The following CDKN2B-AS1 variants were observed in gnomAD, a reference collection of about 807,000 sequenced individuals.
CDKN2B-AS1 encodes the protein CDKN2B antisense RNA 1 (non-protein coding).
intron 1 of CDKN2B-AS1, among the ~76,000 whole-genome samples, chr9:22,045,121 A>C (rs1167437712): frequency 6.6e-6 from 1 of 151,006 alleles, no homozygotes; most frequent in African/African-American, 2.4e-5. Flanking sequence ...ATTTGATTTT[A>C]TAAACAGAAG....
In CDKN2B-AS1 at chr9:22,006,478, C is replaced by G. The variant is rs910006813; in HGVS notation, n.29+11317C>G. ...TACAAATTAAATGCCATTTTATTCT[C>G]TAAACGTGCAGAGACAAGAAAGTTG... is the stretch of plus-strand genomic sequence containing the variant. On this transcript the variant is annotated intron_variant and non_coding_transcript_variant, in intron 1 of 4. Coordinates refer to ENST00000650946, the Ensembl canonical transcript of CDKN2B-AS1. The surrounding 1 kb of genome is among the most constrained non-coding windows in gnomAD (Gnocchi z 6.4). Among the ~76,000 whole-genome samples the G allele has an allele frequency of 1.3e-5, 2 of 152,190 alleles. No homozygotes were observed. Among genetic ancestry groups the G allele is most frequent in the Non-Finnish European group, 2.9e-5 (2 of 68,032 alleles).
intron 4 of CDKN2B-AS1, among the ~76,000 whole-genome samples, chr9:22,060,033 G>T (rs924247411): frequency 6.6e-6 from 1 of 152,162 alleles, no homozygotes; most frequent in Admixed American, 6.5e-5. Flanking sequence ...CTCTGGGCCT[G>T]TGATGGGAGG....
intron 4 of CDKN2B-AS1, among the ~76,000 whole-genome samples, chr9:22,123,170 A>G (rs975462972): frequency 1.3e-5 from 2 of 152,164 alleles, no homozygotes; most frequent in South Asian, 2.1e-4. Flanking sequence ...TTGTTCATGT[A>G]TAGAAATACT....
intron 4 of CDKN2B-AS1, among the ~76,000 whole-genome samples, chr9:22,105,492 C>T (rs1825627376): frequency 6.6e-6 from 1 of 152,130 alleles, no homozygotes; most frequent in South Asian, 2.1e-4. Context: ...TCTATTTTTG[C>T]ATGATATTTT....
chr9:22,094,912 T>C lies in CDKN2B-AS1; in HGVS notation n.439-32191T>C, dbSNP rs565144419. Among the ~76,000 whole-genome samples the C allele has an allele frequency of 7.6e-5, 11 of 144,554 alleles. 2 individuals are homozygous for C. The highest frequency in any genetic ancestry group is 3.2e-4 in the African/African-American group (11 of 34,714). The allele number at this position is 144,554 out of a possible 152,430, so 94.8% of individuals were successfully genotyped here. A position where few individuals can be genotyped will look rare whatever the true frequency, so the allele number is the denominator to read the frequency against. ...CTCTGATTTTTAGAGTTTCCAGTTT[T>C]TCTGCTCTGTTTTTTCCCATCTTTG... On this transcript the variant is annotated intron_variant and non_coding_transcript_variant, in intron 4 of 4. Transcript: ENST00000650946.
At chr9:22,073,055 G>C (rs956200709) in intron 4 of CDKN2B-AS1, among the ~76,000 whole-genome samples, 1 of 152,040 alleles carries the variant, frequency 6.6e-6, no homozygotes, top group Non-Finnish European at 1.5e-5. Context: ...AGTGAAAATT[G>C]TTTTATATCC....
intron 4 of CDKN2B-AS1, among the ~76,000 whole-genome samples, chr9:22,078,692 C>G (rs745708089): frequency 1.3e-5 from 2 of 152,186 alleles, no homozygotes; most frequent in Non-Finnish European, 2.9e-5. Context: ...ATGTTTTGAG[C>G]AACAAATTCT....
In CDKN2B-AS1 at chr9:22,000,779, G is replaced by A. The variant is rs1050361809; in HGVS notation, n.29+5618G>A. Among the ~76,000 whole-genome samples the A allele has an allele frequency of 6.6e-6, 1 of 151,994 alleles. No individual in the cohort carries two copies. The highest frequency in any genetic ancestry group is 2.4e-5 in the African/African-American group (1 of 41,374). On this transcript the variant is annotated intron_variant and non_coding_transcript_variant, in intron 1 of 4. Coordinates refer to ENST00000650946, the Ensembl canonical transcript of CDKN2B-AS1. The surrounding 1 kb of genome is among the most constrained non-coding windows in gnomAD (Gnocchi z 4.1). ...ATAATAACAAACAATAACAGTACTT[G>A]CAGCTTAATTAAAGAAAAAATGCAA...
At chr9:22,043,677 A>G (rs1021920298) in intron 1 of CDKN2B-AS1, among the ~76,000 whole-genome samples, 26 of 152,018 alleles carry the variant, frequency 1.7e-4, no homozygotes, top group Non-Finnish European at 2.9e-4. Context: ...TATGCTATTC[A>G]CATACCACCT....
At chr9:22,089,019 T>A (rs1029831228) in intron 4 of CDKN2B-AS1, among the ~76,000 whole-genome samples, 1 of 152,188 alleles carries the variant, frequency 6.6e-6, no homozygotes, top group Admixed American at 6.5e-5. Context: ...GGCATTTGTT[T>A]TTTACATTGT....
At chr9:22,069,072 C>T (rs1263253060) in intron 4 of CDKN2B-AS1, among the ~76,000 whole-genome samples, 1 of 152,170 alleles carries the variant, frequency 6.6e-6, no homozygotes, top group Non-Finnish European at 1.5e-5. Flanking sequence ...CTTTCTTTCC[C>T]TTTTCTAGGC....
intron 2 of CDKN2B-AS1, among the ~76,000 whole-genome samples, chr9:22,048,046 C>T (rs539598897): frequency 2.6e-5 from 4 of 152,098 alleles, no homozygotes; most frequent in African/African-American, 7.2e-5. Context: ...CCACCTGCCT[C>T]AGCCTCTCAA....
intron 4 of CDKN2B-AS1, among the ~76,000 whole-genome samples, chr9:22,114,449 A>C (rs1825890027): frequency 6.6e-6 from 1 of 152,230 alleles, no homozygotes; most frequent in Non-Finnish European, 1.5e-5. Context: ...AGAGGTACAT[A>C]GAGGAGCCTG....
rs1404823000 is a variant in CDKN2B-AS1, at chr9:22,102,723, A to C, written n.439-24380A>C. 2.0e-5 allele frequency among the ~76,000 whole-genome samples: 3 copies of C among 152,198 alleles called. No individual in the cohort carries two copies. The East Asian group carries it at 5.8e-4, about 29-fold the overall frequency. On this transcript the variant is annotated intron_variant and non_coding_transcript_variant, in intron 4 of 4. Coordinates refer to ENST00000650946, the Ensembl canonical transcript of CDKN2B-AS1. Reference sequence around the variant, plus strand: ...TTTTGCAAATATGAACATTCTAATTACCTTAGAGTTAAGATTTTCTTTTCT... The same window carrying C: ...TTTTGCAAATATGAACATTCTAATTCCCTTAGAGTTAAGATTTTCTTTTCT...
chr9:22,004,058 C>T (rs1049616485), intron 1 of CDKN2B-AS1: 4 of 232,456 alleles, frequency 1.7e-5, no homozygotes, highest in Non-Finnish European at 3.4e-5. Flanking sequence ...TTCTTTGCCT[C>T]ATTGTCCTCA....
chr9:22,034,041 A>G (rs191887041), intron 1 of CDKN2B-AS1, among the ~76,000 whole-genome samples: 12 of 152,346 alleles, frequency 7.9e-5, no homozygotes, highest in Non-Finnish European at 1.5e-4. Flanking sequence ...TGTAACTTCG[A>G]TAAAAGACAT....
intron 4 of CDKN2B-AS1, among the ~76,000 whole-genome samples, chr9:22,123,598 A>AACAAT: frequency 3.3e-5 from 5 of 151,518 alleles, no homozygotes; most frequent in Non-Finnish European, 3.0e-5. Flanking sequence ...TGCTATTAGG[A>AACAAT]TGGCCAATGA....
rs777650997 is a variant in CDKN2B-AS1 at position 22,006,178 on chromosome 9, C to G, written n.29+11017C>G. 2 of 1,609,894 alleles carry G rather than the reference C, an allele frequency of 1.2e-6. No individual in the cohort carries two copies. Among genetic ancestry groups the G allele is most frequent in the South Asian group, 2.2e-5 (2 of 91,014 alleles). ...ACCGGTCGGGTGAGAGTGGCAGGGT[C>G]TGCGCAGTTGGGCTCCGCGCCGTGG... On this transcript the variant is annotated intron_variant and non_coding_transcript_variant, in intron 1 of 4. Transcript: ENST00000650946. The surrounding 1 kb of genome is among the most constrained non-coding windows in gnomAD (Gnocchi z 6.4).
chr9:22,118,460 C>G (rs1329348483), intron 4 of CDKN2B-AS1: 1 of 152,148 alleles, frequency 6.6e-6, no homozygotes, highest in East Asian at 1.9e-4. Context: ...CCACTCGAGA[C>G]AACAAGGAAC....
Sources: allele counts gnomAD v4.1 joint callset (sites outside exome capture counted in the v4.1 genomes callset), GRCh38; gene constraint gnomAD v4.1.1; non-coding constraint Gnocchi (gnomAD v3.1); transcripts MANE v1.5; gene names NCBI Gene and HGNC (gene_info 2026-07-23, HGNC 2026-07-21).